The following SLC27A1 variants were observed in gnomAD, a reference collection of about 807,000 sequenced individuals.
SLC27A1 encodes long-chain fatty acid transport protein 1.
A neutral mutation model predicts 62.2 loss-of-function variants in SLC27A1; 61 were observed. That is an observed-to-expected ratio of 0.98 (90% confidence interval 0.80 to 1.21). SLC27A1 has a LOEUF of 1.21. Among genes scored for constraint, SLC27A1 ranks in the 50% most tolerant of loss-of-function variants. The pLI is 0.00. For missense variants in SLC27A1, 903 were observed against 932.1 expected, an observed-to-expected ratio of 0.97 and a Z score of 0.41; for synonymous variants, 435 against 408.6, an observed-to-expected ratio of 1.06 and a Z score of -0.78.
At chr19:17,497,131 A>T (rs572189105) in intron 6 of SLC27A1, 124 bp from the exon 7 acceptor site, 11 of 666,686 alleles carry the variant, frequency 1.6e-5, no homozygotes, top group Middle Eastern at 2.5e-4. Flanking sequence ...AGCCATCATC[A>T]TCCTTAGGCT....
Position 17,495,035 on chromosome 19 carries a change from C to T in SLC27A1, c.997-2220C>T, listed in dbSNP as rs551500865. ...GTCCCCAGGCTGGAGTACAATAGAGCGATCTTGGCTTACTGCAACCTCTGC... is the reference window on the plus strand; with the variant it reads ...GTCCCCAGGCTGGAGTACAATAGAGTGATCTTGGCTTACTGCAACCTCTGC... On this transcript the variant is annotated intron_variant, in intron 6 of 11. Coordinates refer to ENST00000252595, the MANE Select transcript of SLC27A1 (RefSeq NM_198580.3). 3.3e-5 allele frequency among the ~76,000 whole-genome samples: 5 copies of T among 150,976 alleles called. No homozygotes were observed. In the South Asian group the frequency reaches 8.3e-4, roughly 25 times the overall value.
At chr19:17,489,289 C>G (rs1056478326) in intron 6 of SLC27A1, among the ~76,000 whole-genome samples, 172 bp downstream of exon 6, 4 of 152,128 alleles carry the variant, frequency 2.6e-5, no homozygotes, top group African/African-American at 9.7e-5. Flanking sequence ...CGACCAGGCT[C>G]TATTCCCTTA....
intron 1 of SLC27A1, among the ~76,000 whole-genome samples, chr19:17,472,533 G>T (rs2075087206): frequency 6.6e-6 from 1 of 151,836 alleles, no homozygotes; most frequent in South Asian, 2.1e-4. Context: ...TTGCTCATTT[G>T]TTTGTTTGTT....
chr19:17,486,814 A>T lies in SLC27A1; in HGVS notation c.419A>T (p.Glu140Val), dbSNP rs756883816. ...GCCATCTTCCTGGAGGGCCGGCCGG[A>T]GTTCGTGGGGCTGTGGCTGGGCCTG... The part of the protein sequence containing the change: ...VVAIFLEGRP[E>V]FVGLWLGLAK... Residue 140 changes from glutamate (E) to valine (V), a missense_variant, in exon 2 of 12, where the codon GAG (glutamate) becomes GTG (valine). Glu to Val is a moderately radical substitution (Grantham distance 121). Coordinates refer to ENST00000252595, the MANE Select transcript of SLC27A1 (RefSeq NM_198580.3). The surrounding 1 kb of genome is among the most constrained non-coding windows in gnomAD (Gnocchi z 6.6). 4 of 1,595,726 alleles carry T rather than the reference A, an allele frequency of 2.5e-6. No homozygotes were observed. The highest frequency in any genetic ancestry group is 2.6e-6 in the Non-Finnish European group (3 of 1,173,802).
At chr19:17,474,708 G>A (rs1490715333) in intron 1 of SLC27A1, among the ~76,000 whole-genome samples, 9 of 142,172 alleles carry the variant, frequency 6.3e-5, no homozygotes, top group Non-Finnish European at 9.0e-5. Context: ...TCGGCTCACC[G>A]CAACCTCCGC....
chr19:17,497,392 C>A lies in SLC27A1; in HGVS notation c.1134C>A (p.Phe378Leu). Residue 378 changes from phenylalanine to leucine, a missense_variant, in exon 7 of 12, where the codon TTC (phenylalanine) becomes TTA (leucine). By Grantham distance (22) the Phe-to-Leu change is conservative. Transcript: ENST00000252595. ...TCTGGGAGGAGTTCACGGAGCGCTT[C>A]GGCGTACGCCAAATCGGGGAGTTCT... Reference protein sequence around the residue: ...PAIWEEFTERFGVRQIGEFYG... With the variant: ...PAIWEEFTERLGVRQIGEFYG... The A allele has an allele frequency of 6.2e-7, 1 of 1,604,938 alleles. No homozygotes were observed. The highest frequency in any genetic ancestry group is 8.5e-7 in the Non-Finnish European group (1 of 1,177,370).
chr19:17,487,680 T>C, intron 4 of SLC27A1, 151 bp downstream of exon 4: 3 of 771,364 alleles, frequency 3.9e-6, no homozygotes, highest in African/African-American at 1.7e-5. Context: ...TTGCTCTGTG[T>C]CCAGACCAGG....
rs928898475 is a variant in SLC27A1, at chr19:17,504,664, T to G, written c.*52T>G. 5 of 1,610,220 alleles carry G rather than the reference T, an allele frequency of 3.1e-6. No individual in the cohort carries two copies. In the African/African-American group the frequency reaches 6.7e-5, roughly 22 times the overall value. On this transcript the variant is annotated 3_prime_UTR_variant, in exon 12 of 12. Transcript: ENST00000252595. ...CTGGGCCTGGTGGGAGAGGCCAGCT[T>G]GAGCCAGACAGCGCTGCCCAGGGGT...
intron 1 of SLC27A1, among the ~76,000 whole-genome samples, chr19:17,471,607 CG>C (rs975377370): frequency 6.6e-6 from 1 of 152,030 alleles, no homozygotes; most frequent in African/African-American, 2.4e-5. Context: ...AGGTGAGCGC[CG>C]GCTAGCGGGG....
intron 11 of SLC27A1, among the ~76,000 whole-genome samples, chr19:17,502,365 T>A (rs2075426709): frequency 1.1e-5 from 1 of 94,894 alleles, no homozygotes; most frequent in Non-Finnish European, 2.1e-5. Context: ...TTTTTTTTTT[T>A]TTTTGAGATG....
At chr19:17,477,351 C>G (rs1383268371) in intron 1 of SLC27A1, among the ~76,000 whole-genome samples, 1 of 138,662 alleles carries the variant, frequency 7.2e-6, no homozygotes, top group Non-Finnish European at 1.5e-5. Flanking sequence ...GGTTCATTCT[C>G]CTGCCTCAGC....
intron 1 of SLC27A1, among the ~76,000 whole-genome samples, chr19:17,485,519 TTG>T (rs926411702): frequency 6.6e-6 from 1 of 151,584 alleles, no homozygotes; most frequent in South Asian, 2.1e-4. Flanking sequence ...GTTTGTTTGT[TTG>T]TTTGTTTGTT....
chr19:17,482,111 C>T (rs2075184162), intron 1 of SLC27A1, among the ~76,000 whole-genome samples: 1 of 152,238 alleles, frequency 6.6e-6, no homozygotes, highest in East Asian at 1.9e-4. Context: ...GTCTCCTCCC[C>T]TGCTGCCTCT....
intron 10 of SLC27A1, 127 bp from the exon 11 acceptor site, chr19:17,501,146 T>C: frequency 7.2e-7 from 1 of 1,384,664 alleles, no homozygotes; most frequent in Non-Finnish European, 9.7e-7. Context: ...GCTGCTTCCA[T>C]AAATGTCATC....
intron 6 of SLC27A1, among the ~76,000 whole-genome samples, chr19:17,492,616 C>CAAAAA (rs35790162): frequency 2.8e-5 from 2 of 70,630 alleles, no homozygotes; most frequent in Non-Finnish European, 4.9e-5. Context: ...GACTCCATCT[C>CAAAAA]AAAAAAAAAA....
chr19:17,479,923 C>T (rs573035952), intron 1 of SLC27A1, among the ~76,000 whole-genome samples: 2 of 152,132 alleles, frequency 1.3e-5, no homozygotes, highest in South Asian at 4.1e-4. Flanking sequence ...GGATTACAGG[C>T]GTGAGCCCCT....
intron 1 of SLC27A1, among the ~76,000 whole-genome samples, chr19:17,484,665 A>G (rs1377885825): frequency 6.6e-6 from 1 of 150,896 alleles, no homozygotes; most frequent in Non-Finnish European, 1.5e-5. Context: ...GAATGAGTGA[A>G]TGAAGATGGA....
rs2075190621 is a variant in SLC27A1 at position 17,482,674 on chromosome 19, AGGGTGG to A, written c.168-3886_168-3881del. ...TCAAAAAAAAAAAAAAAAAAAAAAA[AGGGTGG>A]GGAGAGAATGGAGCGGGAGGAGGGT... is the stretch of plus-strand genomic sequence containing the variant. On this transcript the variant is annotated intron_variant, in intron 1 of 11. Coordinates refer to ENST00000252595, the MANE Select transcript of SLC27A1 (RefSeq NM_198580.3). 2.4e-4 allele frequency among the ~76,000 whole-genome samples: 28 copies of A among 114,974 alleles called. No homozygotes were observed. The South Asian group carries it at 7.4e-3, about 30-fold the overall frequency. 75.4% of individuals were successfully genotyped at this position (114,974 alleles called of 152,430 possible).
intron 1 of SLC27A1, among the ~76,000 whole-genome samples, chr19:17,474,810 A>G (rs111774730): frequency 0.3 from 45,816 of 151,050 alleles, 7,236 homozygotes; most frequent in South Asian, 0.38. Flanking sequence ...TTGTATTTTT[A>G]GTAGAGACGG....
Sources: gnomAD v4.1 joint callset for allele counts (sites outside exome capture counted in the v4.1 genomes callset) on GRCh38, gnomAD v4.1.1 for gene constraint, Gnocchi (gnomAD v3.1) non-coding constraint, MANE v1.5 for transcripts, NCBI Gene and HGNC (gene_info 2026-07-23, HGNC 2026-07-21) for gene names.